GAPVD1: variants seen among roughly 807,000 people sequenced by gnomAD.
GAPVD1 encodes the protein GTPase activating protein and VPS9 domains 1.
A neutral mutation model predicts 155.5 loss-of-function variants in GAPVD1; 35 were observed. The observed-to-expected ratio is 0.23, with a 90% CI of 0.17 to 0.30. GAPVD1 has a LOEUF of 0.30. GAPVD1 is among the 10% of genes least tolerant of loss of function. The pLI, the probability that GAPVD1 is intolerant of heterozygous loss-of-function variation, is 1.00. For missense variants in GAPVD1, 1,429 were observed against 1,775.7 expected (o/e 0.80, Z 3.51); for synonymous variants, 636 against 619.7 (o/e 1.03, Z -0.39).
chr9:125,268,121 G>A (rs1299044331), intron 1 of GAPVD1, among the ~76,000 whole-genome samples: 1 of 151,160 alleles, frequency 6.6e-6, no homozygotes, highest in African/African-American at 2.4e-5. Context: ...CCGAGATCAC[G>A]CCACTGCACT....
intron 2 of GAPVD1, among the ~76,000 whole-genome samples, chr9:125,280,575 C>CG (rs1376676913): frequency 9.4e-5 from 13 of 137,694 alleles, no homozygotes; most frequent in Non-Finnish European, 1.7e-4. Context: ...GTTACTACTA[C>CG]TTTTTTTTTT....
At chr9:125,282,083 A>G (rs1471353759) in intron 2 of GAPVD1, among the ~76,000 whole-genome samples, 1 of 152,206 alleles carries the variant, frequency 6.6e-6, no homozygotes, top group African/African-American at 2.4e-5. Context: ...GATTGAGACC[A>G]TCCTGGCCAA....
At chr9:125,266,282 A>C (rs1833942215) in intron 1 of GAPVD1, among the ~76,000 whole-genome samples, 1 of 150,910 alleles carries the variant, frequency 6.6e-6, no homozygotes, top group Non-Finnish European at 1.5e-5. Flanking sequence ...ATGCACCACT[A>C]TGCCCGGCTA....
intron 25 of GAPVD1, among the ~76,000 whole-genome samples, chr9:125,357,799 A>T (rs1256173339): frequency 1.3e-5 from 2 of 152,128 alleles, no homozygotes; most frequent in African/African-American, 4.8e-5. Context: ...ACATGGTGAA[A>T]CTGTGTCTGT....
intron 2 of GAPVD1, among the ~76,000 whole-genome samples, chr9:125,285,453 GTTTT>G (rs10659223): frequency 1.1e-5 from 1 of 94,684 alleles, no homozygotes; most frequent in East Asian, 3.2e-4. Context: ...TTTTTTCTTT[GTTTT>G]TTTTTTTTTT....
intron 11 of GAPVD1, among the ~76,000 whole-genome samples, chr9:125,324,405 A>G (rs527247958): frequency 2.4e-4 from 36 of 152,224 alleles, no homozygotes; most frequent in Admixed American, 2.0e-3. Context: ...AGCCTGACCA[A>G]CATGGAGAAA....
chr9:125,287,697 A>G (rs950795944), intron 2 of GAPVD1: 1 of 152,144 alleles, frequency 6.6e-6, no homozygotes, highest in African/African-American at 2.4e-5. Context: ...GCAACTTTGT[A>G]CCTTTATTCC....
chr9:125,311,805 C>T (rs1025398891), intron 8 of GAPVD1, among the ~76,000 whole-genome samples: 3 of 151,772 alleles, frequency 2.0e-5, no homozygotes, highest in African/African-American at 4.8e-5. Flanking sequence ...CTTCAGTCTC[C>T]GTCTGCCTGG....
At chr9:125,314,363 A>G (rs1843089738) in intron 9 of GAPVD1, among the ~76,000 whole-genome samples, 1 of 152,170 alleles carries the variant, frequency 6.6e-6, no homozygotes, top group African/African-American at 2.4e-5. Flanking sequence ...CTTAAAGGTG[A>G]ATGAAAAGAA....
intron 9 of GAPVD1, among the ~76,000 whole-genome samples, chr9:125,315,433 C>T (rs1351981986): frequency 6.6e-6 from 1 of 152,176 alleles, no homozygotes; most frequent in Non-Finnish European, 1.5e-5. Flanking sequence ...AACCCCCAGC[C>T]CAGTGGCTGC....
intron 23 of GAPVD1, among the ~76,000 whole-genome samples, chr9:125,351,987 T>C (rs1045676125): frequency 6.6e-6 from 1 of 152,148 alleles, no homozygotes; most frequent in East Asian, 1.9e-4. Flanking sequence ...GTGATCCACC[T>C]AACTCAGCCT....
rs564651975 is a variant in GAPVD1 at position 125,324,397 on chromosome 9, C to T, written c.1858+474C>T. Among the ~76,000 whole-genome samples, 43 of 151,960 alleles carry T rather than the reference C, an allele frequency of 2.8e-4. 1 individual carries two copies. Among genetic ancestry groups the T allele is most frequent in the African/African-American group, 1.0e-3 (43 of 41,474 alleles). On this transcript the variant is annotated intron_variant, in intron 11 of 27. Transcript: ENST00000297933. ...CCTGAGGTCGGGAGTTCAAGACCAG[C>T]CTGACCAACATGGAGAAAGCCCGTC... is the stretch of plus-strand genomic sequence containing the variant.
At chr9:125,337,737 A>T in intron 17 of GAPVD1, 146 bp downstream of exon 17, 1 of 838,962 alleles carries the variant, frequency 1.2e-6, no homozygotes. Flanking sequence ...TGGGCCCACA[A>T]CCATAACCGC....
intron 17 of GAPVD1, among the ~76,000 whole-genome samples, chr9:125,338,867 A>G (rs1017585780): frequency 8.6e-5 from 13 of 151,470 alleles, no homozygotes; most frequent in African/African-American, 3.2e-4. Flanking sequence ...TTCTCCATCA[A>G]ATTTTTAACT....
chr9:125,345,251 G>C (rs1453376326), intron 19 of GAPVD1, among the ~76,000 whole-genome samples: 1 of 151,116 alleles, frequency 6.6e-6, no homozygotes, highest in Non-Finnish European at 1.5e-5. Context: ...CGCGATCTCA[G>C]CTCACTGCAA....
At chr9:125,280,345 G>A (rs780669764) in intron 2 of GAPVD1, among the ~76,000 whole-genome samples, 72 of 138,296 alleles carry the variant, frequency 5.2e-4, no homozygotes, top group Admixed American at 9.3e-4. Flanking sequence ...GTGGTGAGCC[G>A]AGATTGCGCC....
rs1554758517 is a variant in GAPVD1, at chr9:125,296,358, G to GTTTTTTTTTTTTT, written c.-33+787_-33+799dup. On this transcript the variant is annotated intron_variant, in intron 3 of 27. Transcript: ENST00000297933. Reference sequence around the variant, plus strand: ...ACACCCGGCCACATATAGTTCTTAGGTTTTTTTTTTTTTTTGAGATGGAGT... The same window carrying GTTTTTTTTTTTTT: ...ACACCCGGCCACATATAGTTCTTAGGTTTTTTTTTTTTTTTTTTTTTTTTTTTTGAGATGGAGT... 8.1e-3 allele frequency among the ~76,000 whole-genome samples: 980 copies of GTTTTTTTTTTTTT among 121,560 alleles called. 41 individuals are homozygous for GTTTTTTTTTTTTT. Among genetic ancestry groups the GTTTTTTTTTTTTT allele is most frequent in the African/African-American group, 0.03 (851 of 28,080 alleles). The allele number at this position is 121,560 out of a possible 152,430, so 79.7% of individuals were successfully genotyped here. A position where few individuals can be genotyped will look rare whatever the true frequency, so the allele number is the denominator to read the frequency against.
chr9:125,296,358 G>GT lies in GAPVD1; in HGVS notation c.-33+799dup, dbSNP rs1554758517. Among the ~76,000 whole-genome samples, 281 of 121,730 alleles carry GT rather than the reference G, an allele frequency of 2.3e-3. 3 individuals are homozygous for GT. Among genetic ancestry groups the GT allele is most frequent in the East Asian group, 5.2e-3 (23 of 4,392 alleles). The allele number at this position is 121,730 out of a possible 152,430, so 79.9% of individuals were successfully genotyped here. On this transcript the variant is annotated intron_variant, in intron 3 of 27. Transcript: ENST00000297933. ...ACACCCGGCCACATATAGTTCTTAG[G>GT]TTTTTTTTTTTTTTTGAGATGGAGT... is the stretch of plus-strand genomic sequence containing the variant.
In GAPVD1 at chr9:125,302,769, A is replaced by T. The variant is rs1170530142; in HGVS notation, c.972A>T (p.Gln324His). ...GTCCTGCAGTTGTCAATCCAGAACAATATGGAATAATTTCCGATGCTCCTA... is the reference window on the plus strand; with the variant it reads ...GTCCTGCAGTTGTCAATCCAGAACATTATGGAATAATTTCCGATGCTCCTA... ...FICPAVVNPE[Q>H]YGIISDAPIN... Residue 324 changes from glutamine to histidine, a missense_variant, in exon 5 of 28, where the codon CAA becomes CAT. Transcript: ENST00000297933. The T allele has an allele frequency of 6.8e-6, 11 of 1,612,482 alleles. No homozygotes were observed.
Sources: gnomAD v4.1 joint callset for allele counts (sites outside exome capture counted in the v4.1 genomes callset) on GRCh38, gnomAD v4.1.1 for gene constraint, MANE v1.5 for transcripts, NCBI Gene and HGNC (gene_info 2026-07-23, HGNC 2026-07-21) for gene names.